Variants in PRKCH observed in about 807,000 individuals in gnomAD.
PRKCH encodes protein kinase C eta type.
A neutral mutation model predicts 82.5 loss-of-function variants in PRKCH; 28 were observed. That is an observed-to-expected ratio of 0.34 (90% CI 0.25 to 0.47). PRKCH has a LOEUF of 0.47. PRKCH is among the 20% of genes least tolerant of loss of function. The pLI, the probability that PRKCH is intolerant of heterozygous loss-of-function variation, is 1.00. For missense variants in PRKCH, 705 were observed against 881.8 expected (o/e 0.80, Z 2.54); for synonymous variants, 322 against 327.4 (o/e 0.98, Z 0.18).
At chr14:61,241,632 A>C (rs898348432) in intron 1 of PRKCH, among the ~76,000 whole-genome samples, 4 of 152,194 alleles carry the variant, frequency 2.6e-5, no homozygotes, top group Non-Finnish European at 5.9e-5. Flanking sequence ...TGGGTTTTCA[A>C]GGCTCTTTGA....
intron 1 of PRKCH, among the ~76,000 whole-genome samples, chr14:61,284,094 C>T (rs1056367298): frequency 8.5e-5 from 13 of 152,166 alleles, no homozygotes; most frequent in Admixed American, 2.6e-4. Context: ...CGCTGATCCA[C>T]CAGCCAGAGC....
intron 1 of PRKCH, among the ~76,000 whole-genome samples, chr14:61,194,855 T>G (rs894026977): frequency 1.3e-5 from 2 of 152,136 alleles, no homozygotes; most frequent in Non-Finnish European, 2.9e-5. Context: ...TGCCTCACCC[T>G]CCTGAGTAGC....
rs538533893 is a variant in PRKCH, at chr14:61,267,694, T to C, written c.-19+80026T>C. 1.1e-4 allele frequency among the ~76,000 whole-genome samples: 17 copies of C among 152,356 alleles called. No homozygotes were observed. The South Asian group carries it at 3.5e-3, about 32-fold the overall frequency. ...GATAGTGCAGGCAGTGGAAATTGAG[T>C]GAATACACCTTTTCAGTTAATGCCA... On this transcript the variant is annotated intron_variant, in intron 1 of 3. Coordinates refer to the PRKCH transcript ENST00000555185.
At position 61,280,518 on chromosome 14, in the gene PRKCH, C is replaced by T. The variant is rs1363090069; in HGVS notation, c.-19+92850C>T. 1.2e-6 allele frequency: 2 copies of T among 1,612,632 alleles called. No individual in the cohort carries two copies. Among genetic ancestry groups the T allele is most frequent in the East Asian group, 2.2e-5 (1 of 44,848 alleles). On this transcript the variant is annotated intron_variant, in intron 1 of 3. Transcript: ENST00000555185. This position sits in a 1 kb window ranked among gnomAD's most constrained non-coding sequence, Gnocchi z 5.0. ...CCAACGCCAGGCTGCCGTTGACCAG[C>T]GGCGGGTTGCGGAACTTGACGTGGT...
chr14:61,224,277 G>A (rs2044678524), intron 1 of PRKCH, among the ~76,000 whole-genome samples: 1 of 152,142 alleles, frequency 6.6e-6, no homozygotes, highest in Non-Finnish European at 1.5e-5. Flanking sequence ...GAAAGTTCTT[G>A]TATGCCCTCA....
At chr14:61,539,326 A>G (rs1229520089) in intron 12 of PRKCH, among the ~76,000 whole-genome samples, 1 of 152,242 alleles carries the variant, frequency 6.6e-6, no homozygotes, top group Non-Finnish European at 1.5e-5. Flanking sequence ...GCTGGATTCC[A>G]GTCACAGACA....
At chr14:61,464,761 C>T (rs1275029106) in intron 9 of PRKCH, among the ~76,000 whole-genome samples, 1 of 152,160 alleles carries the variant, frequency 6.6e-6, no homozygotes, top group Non-Finnish European at 1.5e-5. Context: ...TGTATATGTG[C>T]TACATTTTCT....
intron 2 of PRKCH, among the ~76,000 whole-genome samples, chr14:61,407,763 G>A (rs1882035522): frequency 6.6e-6 from 1 of 152,194 alleles, no homozygotes; most frequent in African/African-American, 2.4e-5. Context: ...TGTCTGATAT[G>A]CAGAATATTG....
chr14:61,312,387 A>G (rs1486724832), intron 1 of PRKCH, among the ~76,000 whole-genome samples: 1 of 152,148 alleles, frequency 6.6e-6, no homozygotes, highest in Admixed American at 6.5e-5. Flanking sequence ...GTCATGATGA[A>G]TTACAGTTTG....
intron 1 of PRKCH, among the ~76,000 whole-genome samples, chr14:61,204,344 A>G (rs2044505976): frequency 6.6e-6 from 1 of 152,322 alleles, no homozygotes; most frequent in Non-Finnish European, 1.5e-5. Context: ...GTATGAGGAA[A>G]TTGAGGGATA....
intron 9 of PRKCH, among the ~76,000 whole-genome samples, chr14:61,460,122 C>A (rs28372494): frequency 6.6e-6 from 1 of 152,176 alleles, no homozygotes; most frequent in Non-Finnish European, 1.5e-5. Flanking sequence ...TCTGGGATTA[C>A]AGGCGTGAGC....
chr14:61,461,617 A>G (rs1021246138), intron 9 of PRKCH, among the ~76,000 whole-genome samples: 2 of 152,228 alleles, frequency 1.3e-5, no homozygotes, highest in Admixed American at 1.3e-4. Flanking sequence ...AATGGTTCCA[A>G]GTTACTACTG....
intron 1 of PRKCH, chr14:61,305,250 T>A (rs1193604616): frequency 6.6e-6 from 1 of 152,100 alleles, no homozygotes; most frequent in Non-Finnish European, 1.5e-5. Flanking sequence ...AGTGGTACAA[T>A]CAGAGCTCAC....
At chr14:61,394,051 A>G (rs1345782819) in intron 2 of PRKCH, among the ~76,000 whole-genome samples, 3 of 152,252 alleles carry the variant, frequency 2.0e-5, no homozygotes, top group African/African-American at 7.2e-5. Context: ...ATTTTTAAGC[A>G]TGTGGCTTAA....
At chr14:61,321,197 G>A (rs2045614334), upstream of PRKCH, among the ~76,000 whole-genome samples, 1 of 152,230 alleles carries the variant, frequency 6.6e-6, no homozygotes, top group African/African-American at 2.4e-5. The surrounding 1 kb of genome is among the most constrained non-coding windows in gnomAD (Gnocchi z 4.1). Flanking sequence ...GGCCTCTTGG[G>A]GATGGCCCTG....
At chr14:61,220,320 T>C (rs943108683) in intron 1 of PRKCH, among the ~76,000 whole-genome samples, 22 of 152,160 alleles carry the variant, frequency 1.4e-4, no homozygotes, top group African/African-American at 5.3e-4. Flanking sequence ...CGGCCAGAGC[T>C]ATAGCTATTG....
At chr14:61,239,063 G>T (rs1365289229) in intron 1 of PRKCH, among the ~76,000 whole-genome samples, 1 of 152,174 alleles carries the variant, frequency 6.6e-6, no homozygotes, top group East Asian at 1.9e-4. Flanking sequence ...CCTCCTCAGA[G>T]TAAACAGACC....
intron 1 of PRKCH, among the ~76,000 whole-genome samples, chr14:61,386,454 G>GC (rs2046589119): frequency 6.6e-6 from 1 of 152,200 alleles, no homozygotes; most frequent in South Asian, 2.1e-4. Flanking sequence ...TAGGAGTGGA[G>GC]CAGGGGTAGA....
intron 10 of PRKCH, among the ~76,000 whole-genome samples, chr14:61,493,046 G>A (rs1461688557): frequency 6.6e-6 from 1 of 152,208 alleles, no homozygotes; most frequent in Non-Finnish European, 1.5e-5. Context: ...TTGGAGGCAT[G>A]GGAAGAGGGA....
Sources: gnomAD v4.1 joint callset for allele counts (sites outside exome capture counted in the v4.1 genomes callset) on GRCh38, gnomAD v4.1.1 for gene constraint, Gnocchi (gnomAD v3.1) non-coding constraint, MANE v1.5 for transcripts, NCBI Gene and HGNC (gene_info 2026-07-23, HGNC 2026-07-21) for gene names.